The following SLC25A24 variants were observed in gnomAD, a reference collection of about 807,000 sequenced individuals.
The protein encoded by SLC25A24 is solute carrier family 25 member 24, also known as mitochondrial adenyl nucleotide antiporter SLC25A24.
Under a neutral mutation model 60.7 loss-of-function variants are expected in SLC25A24, and 49 were observed. The ratio of observed to expected loss-of-function variants is 0.81; its 90% confidence interval spans 0.64 to 1.02. The LOEUF is 1.02. Ranked by LOEUF, SLC25A24 falls within the 50% of genes least tolerant of loss-of-function variation. SLC25A24 has a pLI of 0.00. For synonymous variants in SLC25A24, 202 were observed against 200.6 expected (o/e 1.01, Z -0.06); for missense variants, 564 against 586.3 (o/e 0.96, Z 0.39).
At chr1:108,151,588 T>C (rs1193219301) in intron 6 of SLC25A24, among the ~76,000 whole-genome samples, 1 of 152,208 alleles carries the variant, frequency 6.6e-6, no homozygotes. Flanking sequence ...TTCTTCTCAG[T>C]GTCCTTTGCA....
intron 2 of SLC25A24, among the ~76,000 whole-genome samples, chr1:108,185,191 T>C (rs1174803753): frequency 1.3e-5 from 2 of 152,154 alleles, no homozygotes; most frequent in Admixed American, 1.3e-4. Flanking sequence ...CTATAAGAAA[T>C]AAATTTCATT....
chr1:108,167,956 C>CT, intron 3 of SLC25A24, among the ~76,000 whole-genome samples: 1 of 152,168 alleles, frequency 6.6e-6, no homozygotes, highest in East Asian at 1.9e-4. Context: ...AAGAGAAACT[C>CT]TGAGTGTACC....
At chr1:108,159,310 T>A (rs913789520) in intron 4 of SLC25A24, among the ~76,000 whole-genome samples, 2 of 152,144 alleles carry the variant, frequency 1.3e-5, no homozygotes, top group African/African-American at 4.8e-5. Flanking sequence ...CTGAGATTAT[T>A]TGGACAATAT....
At chr1:108,189,479 G>A (rs1648264964) in intron 1 of SLC25A24, among the ~76,000 whole-genome samples, 1 of 152,190 alleles carries the variant, frequency 6.6e-6, no homozygotes, top group South Asian at 2.1e-4. Context: ...CTACTTGCCT[G>A]TTAGTCACTT....
intron 3 of SLC25A24, among the ~76,000 whole-genome samples, chr1:108,171,402 A>T (rs1203944671): frequency 2.0e-5 from 3 of 152,116 alleles, no homozygotes; most frequent in Non-Finnish European, 4.4e-5. Context: ...CATTATTATC[A>T]TATTCATGGA....
At chr1:108,187,405 C>A (rs1343349111) in intron 1 of SLC25A24, among the ~76,000 whole-genome samples, 2 of 152,030 alleles carry the variant, frequency 1.3e-5, no homozygotes, top group Non-Finnish European at 2.9e-5. Flanking sequence ...AAAGATGGTT[C>A]TTTGAAAAGA....
At chr1:108,164,525 G>C (rs1218758826) in intron 3 of SLC25A24, among the ~76,000 whole-genome samples, 2 of 151,814 alleles carry the variant, frequency 1.3e-5, no homozygotes, top group East Asian at 1.9e-4. Flanking sequence ...TCTTGGGAGG[G>C]TGTATGTGTC....
chr1:108,192,992 G>A lies in SLC25A24; in HGVS notation c.183+6964C>T, dbSNP rs1427071601. On this transcript the variant is annotated intron_variant, in intron 1 of 9. Transcript: ENST00000565488. The stretch of plus-strand genomic sequence containing the variant: ...GCCCCTTTCCCCAGAAACTTCCAGG[G>A]AGAACCCAGCACAGGGCCATCTGAA... 1.4e-5 allele frequency among the ~76,000 whole-genome samples: 2 copies of A among 139,490 alleles called. 1 individual carries two copies. Among genetic ancestry groups the A allele is most frequent in the Non-Finnish European group, 3.1e-5 (2 of 63,634 alleles). The allele number at this position is 139,490 out of a possible 152,430, so 91.5% of individuals were successfully genotyped here.
chr1:108,198,494 T>C (rs1331424120), intron 1 of SLC25A24: 1 of 152,220 alleles, frequency 6.6e-6, no homozygotes, highest in African/African-American at 2.4e-5. Context: ...GGACATCCAT[T>C]GCAATTTCAC....
At position 108,139,167 on chromosome 1, in the gene SLC25A24, A is replaced by G; in HGVS notation, c.1140T>C (p.Ser380=). The G allele has an allele frequency of 6.2e-7, 1 of 1,609,090 alleles. No homozygotes were observed. The highest frequency in any genetic ancestry group is 8.5e-7 in the Non-Finnish European group (1 of 1,177,784). The change falls in exon 9 of 10, where the codon TCT becomes TCC. Residue 380 remains serine, a synonymous_variant. Coordinates refer to ENST00000565488, the MANE Select transcript of SLC25A24 (RefSeq NM_013386.5). ...GCAACACCATGACTCCAGGGTTTAC[A>G]GAATCTTTTGCAAAATTATCCAGCC... is the stretch of plus-strand genomic sequence containing the variant. ...SYWLDNFAKD[S]VNPGVMVLLG...
At chr1:108,152,951 G>A (rs896750728) in intron 6 of SLC25A24, among the ~76,000 whole-genome samples, 1 of 152,216 alleles carries the variant, frequency 6.6e-6, no homozygotes, top group Non-Finnish European at 1.5e-5. Flanking sequence ...GAGGAAGGGT[G>A]TCTGTCTGTG....
intron 8 of SLC25A24, among the ~76,000 whole-genome samples, chr1:108,142,101 A>G (rs1015047082): frequency 1.1e-4 from 16 of 152,188 alleles, no homozygotes; most frequent in African/African-American, 3.9e-4. Context: ...CATAATAAAA[A>G]TAAGCTTTTT....
intron 8 of SLC25A24, among the ~76,000 whole-genome samples, chr1:108,140,828 A>T (rs1679425547): frequency 6.6e-6 from 1 of 151,974 alleles, no homozygotes; most frequent in South Asian, 2.1e-4. Context: ...ACAAAAAAAA[A>T]AAAAAATCAA....
intron 6 of SLC25A24, among the ~76,000 whole-genome samples, chr1:108,150,755 C>T (rs552498690): frequency 9.0e-4 from 137 of 151,774 alleles, no homozygotes; most frequent in African/African-American, 3.3e-3. Flanking sequence ...CTGTCTCCCC[C>T]AGCCCCTTTC....
chr1:108,159,877 A>G (rs1211875151), intron 4 of SLC25A24, among the ~76,000 whole-genome samples: 1 of 151,476 alleles, frequency 6.6e-6, no homozygotes, highest in East Asian at 1.9e-4. Context: ...TTCTACACAG[A>G]CACAGCAACC....
chr1:108,180,234 G>A (rs550765448), intron 3 of SLC25A24, among the ~76,000 whole-genome samples: 93 of 151,902 alleles, frequency 6.1e-4, no homozygotes, highest in Non-Finnish European at 1.1e-3. Context: ...GCGTGGTGGC[G>A]CGTGCCTATA....
intron 3 of SLC25A24, among the ~76,000 whole-genome samples, chr1:108,171,914 A>G (rs986510192): frequency 6.6e-6 from 1 of 152,232 alleles, no homozygotes; most frequent in East Asian, 1.9e-4. Context: ...CAACCCAGGC[A>G]TTCTAACTCC....
At chr1:108,147,136 G>T (rs1679625437) in intron 7 of SLC25A24, among the ~76,000 whole-genome samples, 1 of 152,172 alleles carries the variant, frequency 6.6e-6, no homozygotes, top group African/African-American at 2.4e-5. Context: ...TCCTGATTTA[G>T]TCTTGGGAGC....
intron 9 of SLC25A24, among the ~76,000 whole-genome samples, chr1:108,137,932 GCTCCTTAAATA>G (rs1226964110): frequency 2.0e-5 from 3 of 152,166 alleles, no homozygotes; most frequent in Non-Finnish European, 4.4e-5. Context: ...CTGTCTCTCA[GCTCCTTAAATA>G]CACCATGTTG....
Sources: gnomAD v4.1 joint callset for allele counts (sites outside exome capture counted in the v4.1 genomes callset) on GRCh38, gnomAD v4.1.1 for gene constraint, MANE v1.5 for transcripts, NCBI Gene and HGNC (gene_info 2026-07-23, HGNC 2026-07-21) for gene names.